Variants in PSMA8 observed in about 807,000 individuals in gnomAD.
The protein encoded by PSMA8 is proteasome 20S subunit alpha 8, also known as proteasome subunit alpha-type 8.
PSMA8 carries 18 observed loss-of-function variants against 32.4 expected under a neutral mutation model. That is an observed-to-expected ratio of 0.56 (90% CI 0.38 to 0.82). The LOEUF (loss-of-function observed/expected upper bound fraction) is 0.82. Among genes scored for constraint, PSMA8 ranks in the 40% least tolerant of loss-of-function variants. The pLI is 0.00. For missense variants in PSMA8, 298 were observed against 300.7 expected (o/e 0.99, Z 0.07); for synonymous variants, 104 against 98.1 (o/e 1.06, Z -0.36).
chr18:26,158,160 T>A lies in PSMA8; in HGVS notation c.393T>A (p.Ile131=), dbSNP rs1375247492. 1 of 1,605,814 alleles carries A rather than the reference T, an allele frequency of 6.2e-7. No homozygotes were observed. The highest frequency in any genetic ancestry group is 1.7e-5 in the Admixed American group (1 of 59,902). ...GCAATGGACGAAGACCTTTTGGTAT[T>A]TCTGCCTTAATTGTAGGTTTTGATG... ...TQSNGRRPFG[I]SALIVGFDDD... Residue 131 remains isoleucine (I), a synonymous_variant, in exon 4 of 7, where the codon ATT becomes ATA. Coordinates refer to ENST00000415576, the MANE Select transcript of PSMA8 (RefSeq NM_001025096.2).
chr18:26,145,235 C>T (rs1015207199), intron 2 of PSMA8, among the ~76,000 whole-genome samples: 2 of 152,196 alleles, frequency 1.3e-5, no homozygotes, highest in Non-Finnish European at 2.9e-5. Context: ...TCTCCTGCCT[C>T]AGCCTCCCGA....
chr18:26,161,156 A>G (rs570182969), intron 4 of PSMA8, among the ~76,000 whole-genome samples: 31 of 152,300 alleles, frequency 2.0e-4, no homozygotes, highest in African/African-American at 6.0e-4. Context: ...GTCCCCTGAT[A>G]GAAACATCCT....
intron 1 of PSMA8, among the ~76,000 whole-genome samples, chr18:26,136,484 G>A (rs2054912376): frequency 6.6e-6 from 1 of 152,132 alleles, no homozygotes; most frequent in Non-Finnish European, 1.5e-5. Context: ...ACTAATATGT[G>A]TTTCTGCCTA....
chr18:26,146,954 G>A (rs764193546), intron 2 of PSMA8, among the ~76,000 whole-genome samples: 1 of 152,144 alleles, frequency 6.6e-6, no homozygotes, highest in African/African-American at 2.4e-5. Flanking sequence ...AGAAGGCAAA[G>A]GGGGAGTGAG....
intron 3 of PSMA8, among the ~76,000 whole-genome samples, chr18:26,156,856 G>A (rs1330548549): frequency 4.0e-5 from 6 of 151,060 alleles, no homozygotes; most frequent in African/African-American, 1.5e-4. Context: ...GCATGATCTC[G>A]TCTCACTGAA....
chr18:26,189,298 CG>C (rs902021996), intron 6 of PSMA8, among the ~76,000 whole-genome samples: 8 of 152,160 alleles, frequency 5.3e-5, no homozygotes, highest in African/African-American at 1.9e-4. Flanking sequence ...GAGGCCAAGG[CG>C]GGAGGATCAC....
intron 6 of PSMA8, among the ~76,000 whole-genome samples, chr18:26,180,695 G>GTC (rs371541438): frequency 9.8e-5 from 14 of 143,450 alleles, no homozygotes; most frequent in Middle Eastern, 3.5e-3. Flanking sequence ...TATAAAAATA[G>GTC]ACACACACAC....
intron 3 of PSMA8, among the ~76,000 whole-genome samples, 161 bp from the exon 4 acceptor site, chr18:26,157,961 T>G (rs1270878582): frequency 6.6e-6 from 1 of 152,222 alleles, no homozygotes; most frequent in African/African-American, 2.4e-5. Flanking sequence ...TAAAATTTCA[T>G]CATGAATTGA....
chr18:26,162,054 C>G (rs997749187), intron 4 of PSMA8, among the ~76,000 whole-genome samples: 1 of 151,996 alleles, frequency 6.6e-6, no homozygotes, highest in South Asian at 2.1e-4. Flanking sequence ...TGAAAAAATT[C>G]TATATATTTA....
At chr18:26,186,729 A>G (rs746394715) in intron 6 of PSMA8, among the ~76,000 whole-genome samples, 2 of 152,246 alleles carry the variant, frequency 1.3e-5, no homozygotes, top group Non-Finnish European at 2.9e-5. Flanking sequence ...GACTTCTACA[A>G]CTTCAGTTTC....
chr18:26,139,866 A>G (rs975306304), intron 1 of PSMA8, among the ~76,000 whole-genome samples: 15 of 152,196 alleles, frequency 9.9e-5, no homozygotes, highest in Admixed American at 9.8e-4. Flanking sequence ...GATAAAAGAG[A>G]CTAACATAGG....
intron 6 of PSMA8, among the ~76,000 whole-genome samples, chr18:26,186,266 A>C (rs1368383663): frequency 6.2e-5 from 9 of 145,096 alleles, no homozygotes; most frequent in South Asian, 4.2e-4. Context: ...AAAAAAAAAA[A>C]AAAAAAAAAA....
chr18:26,185,340 T>C (rs567825827), intron 6 of PSMA8, among the ~76,000 whole-genome samples: 11 of 150,784 alleles, frequency 7.3e-5, no homozygotes, highest in African/African-American at 2.7e-4. Flanking sequence ...CACAGTGTGT[T>C]TAACAACACA....
At chr18:26,165,249 T>G (rs1452143644) in intron 4 of PSMA8, among the ~76,000 whole-genome samples, 2 of 152,134 alleles carry the variant, frequency 1.3e-5, no homozygotes, top group Admixed American at 1.3e-4. Flanking sequence ...CTGAAATAGT[T>G]AAGGATGAAA....
chr18:26,144,538 T>C (rs373479466), intron 1 of PSMA8, 21 bp from the exon 2 acceptor site: 3 of 1,600,074 alleles, frequency 1.9e-6, no homozygotes, highest in Non-Finnish European at 2.6e-6. Context: ...TGAATATATA[T>C]GTATTTTAAT....
chr18:26,152,733 G>A (rs2055056921), intron 3 of PSMA8, among the ~76,000 whole-genome samples: 1 of 152,170 alleles, frequency 6.6e-6, no homozygotes, highest in South Asian at 2.1e-4. Context: ...GGGGACTAAT[G>A]GGAGGAGTTT....
chr18:26,149,635 A>C (rs1312027676), intron 2 of PSMA8, among the ~76,000 whole-genome samples: 2 of 152,218 alleles, frequency 1.3e-5, no homozygotes, highest in Non-Finnish European at 2.9e-5. Flanking sequence ...TGCATGTATG[A>C]TATGGTCAAA....
intron 6 of PSMA8, 74 bp downstream of exon 6, chr18:26,179,204 C>G (rs1195755511): frequency 1.8e-6 from 2 of 1,106,670 alleles, no homozygotes; most frequent in Non-Finnish European, 2.7e-6. Context: ...AGTTGTTGGC[C>G]TCTAGGCTTC....
intron 4 of PSMA8, among the ~76,000 whole-genome samples, chr18:26,161,028 A>G (rs1164897107): frequency 6.6e-6 from 1 of 152,218 alleles, no homozygotes; most frequent in African/African-American, 2.4e-5. Flanking sequence ...CCCATTGATG[A>G]TGAAAACAAA....
Sources: allele counts gnomAD v4.1 joint callset (sites outside exome capture counted in the v4.1 genomes callset), GRCh38; gene constraint gnomAD v4.1.1; transcripts MANE v1.5; gene names NCBI Gene and HGNC (gene_info 2026-07-23, HGNC 2026-07-21).